PCDHGB1: variants seen among roughly 807,000 people sequenced by gnomAD.
PCDHGB1 encodes protocadherin gamma-B1.
A neutral mutation model predicts 56.6 loss-of-function variants in PCDHGB1; 34 were observed. That is an observed-to-expected ratio of 0.60 (90% CI 0.46 to 0.80). PCDHGB1 has a LOEUF of 0.80. Among genes scored for constraint, PCDHGB1 ranks in the 30% least tolerant of loss-of-function variants. The pLI is 0.00. For synonymous variants in PCDHGB1, 561 were observed against 505.9 expected (o/e 1.11, Z -1.46); for missense variants, 1,278 against 1,204.6 (o/e 1.06, Z -0.90).
chr5:141,458,556 T>C (rs1424881453), intron 1 of PCDHGB1, among the ~76,000 whole-genome samples: 1 of 145,670 alleles, frequency 6.9e-6, no homozygotes, highest in Non-Finnish European at 1.5e-5. Flanking sequence ...TTGTTTGTTT[T>C]GGTTTTGGGT....
At chr5:141,410,675 T>A in intron 1 of PCDHGB1, 1 of 1,551,642 alleles carries the variant, frequency 6.4e-7, no homozygotes, top group Non-Finnish European at 8.6e-7. Context: ...GTTTCTCATA[T>A]TTTAGGCATA....
At position 141,463,977 on chromosome 5, in the gene PCDHGB1, T is replaced by C. The variant is rs948698340; in HGVS notation, c.2410-30830T>C. On this transcript the variant is annotated intron_variant, in intron 1 of 3. Coordinates refer to ENST00000523390, the MANE Select transcript of PCDHGB1 (RefSeq NM_018922.3). ...TTTAAAATAGCTTCATAAAACTCCA[T>C]TGTAAAAACCAGGTGCAGTGGCTCA... Among the ~76,000 whole-genome samples the C allele has an allele frequency of 2.6e-5, 4 of 152,258 alleles. 1 individual carries two copies. The highest frequency in any genetic ancestry group is 4.4e-5 in the Non-Finnish European group (3 of 68,004).
intron 1 of PCDHGB1, chr5:141,428,460 T>G (rs558111052): frequency 2.8e-6 from 1 of 351,434 alleles, no homozygotes; most frequent in African/African-American, 2.1e-5. Context: ...CCAACTACAA[T>G]GAGGGAACTT....
chr5:141,405,059 G>A (rs374581472), intron 1 of PCDHGB1: 22 of 1,613,900 alleles, frequency 1.4e-5, no homozygotes, highest in Non-Finnish European at 1.9e-5. Flanking sequence ...CGTCTCCTGT[G>A]TCTTCCTCAC....
chr5:141,389,269 A>G, intron 1 of PCDHGB1: 2 of 1,613,976 alleles, frequency 1.2e-6, no homozygotes, highest in Non-Finnish European at 1.7e-6. Flanking sequence ...GTGGCCGAGA[A>G]CAACCCGCCT....
intron 1 of PCDHGB1, among the ~76,000 whole-genome samples, chr5:141,488,289 TAAGTGAA>T (rs1389982829): frequency 6.6e-6 from 1 of 152,186 alleles, no homozygotes; most frequent in Non-Finnish European, 1.5e-5. Context: ...GAAAAAACAG[TAAGTGAA>T]ATCACTTATG....
chr5:141,421,338 A>G (rs560707757), intron 1 of PCDHGB1: 2 of 1,613,966 alleles, frequency 1.2e-6, no homozygotes, highest in Non-Finnish European at 1.7e-6. Context: ...ATTCGGTGCC[A>G]GAAGAGACCG....
chr5:141,450,015 T>A (rs911475310), intron 1 of PCDHGB1, among the ~76,000 whole-genome samples: 12 of 149,806 alleles, frequency 8.0e-5, no homozygotes, highest in Non-Finnish European at 1.6e-4. Flanking sequence ...TCTTTTTTTT[T>A]TTTTTTTTTG....
chr5:141,383,695 G>C (rs373055594), intron 1 of PCDHGB1: 3 of 1,613,974 alleles, frequency 1.9e-6, no homozygotes, highest in Non-Finnish European at 2.5e-6. Context: ...CACGGTACAT[G>C]CTATCGACCT....
intron 1 of PCDHGB1, chr5:141,412,149 C>G (rs1369304212): frequency 2.0e-5 from 3 of 152,146 alleles, no homozygotes; most frequent in African/African-American, 7.2e-5. Flanking sequence ...TACAAACTGC[C>G]TAAGAGAAGA....
At chr5:141,355,268 T>C (rs1220668152) in intron 1 of PCDHGB1, 1 of 1,613,650 alleles carries the variant, frequency 6.2e-7, no homozygotes, top group Admixed American at 1.7e-5. Flanking sequence ...CTGGGGGTTC[T>C]GGTGGAAATC....
Position 141,487,831 on chromosome 5 carries a change from A to G in PCDHGB1, c.2410-6976A>G, listed in dbSNP as rs1001896359. ...TTAGCATTGGGGGCGGGTCATGCCTATATCTGAGTAAGAAATGAAAGTAAT... is the reference window on the plus strand; with the variant it reads ...TTAGCATTGGGGGCGGGTCATGCCTGTATCTGAGTAAGAAATGAAAGTAAT... On this transcript the variant is annotated intron_variant, in intron 1 of 3. Transcript: ENST00000523390. This position sits in a 1 kb window ranked among gnomAD's most constrained non-coding sequence, Gnocchi z 5.0. The G allele has an allele frequency of 1.1e-5, 13 of 1,144,204 alleles. No homozygotes were observed. Among genetic ancestry groups the G allele is most frequent in the Non-Finnish European group, 1.6e-5 (13 of 818,302 alleles). 70.9% of individuals were successfully genotyped at this position (1,144,204 alleles called of 1,614,324 possible). A position where few individuals can be genotyped will look rare whatever the true frequency, so the allele number is the denominator to read the frequency against.
At chr5:141,375,738 T>C (rs1771822925) in intron 1 of PCDHGB1, 2 of 1,614,130 alleles carry the variant, frequency 1.2e-6, no homozygotes, top group African/African-American at 2.7e-5. Context: ...AGCCTGTTTG[T>C]GCTGGACCAG....
rs371232283 is a variant in PCDHGB1, at chr5:141,390,337, C to T, written c.2409+37668C>T. ...CATTGCCTACCCATTTCTCCATATT[C>T]ACAAGAAAATATACATATTTGCAGG... On this transcript the variant is annotated intron_variant, in intron 1 of 3. Coordinates refer to ENST00000523390, the MANE Select transcript of PCDHGB1 (RefSeq NM_018922.3). 9.4e-6 allele frequency: 15 copies of T among 1,595,800 alleles called. No homozygotes were observed. In the African/African-American group the frequency reaches 1.5e-4, roughly 16 times the overall value.
chr5:141,384,827 T>A lies in PCDHGB1; in HGVS notation c.2409+32158T>A, dbSNP rs182404532. ...AGAGATGCCCTCAAGCAGAGCCTCG[T>A]GGTGGCCGTCCAGGACCACGGTCAG... On this transcript the variant is annotated intron_variant, in intron 1 of 3. Transcript: ENST00000523390. The A allele has an allele frequency of 2.2e-4, 348 of 1,613,356 alleles. No individual in the cohort carries two copies. The highest frequency in any genetic ancestry group is 2.5e-4 in the Non-Finnish European group (296 of 1,179,908).
chr5:141,385,081 T>G, intron 1 of PCDHGB1: 1 of 1,614,164 alleles, frequency 6.2e-7, no homozygotes, highest in Non-Finnish European at 8.5e-7. Flanking sequence ...GCTGCAGGCT[T>G]CAGAAGGTGG....
chr5:141,423,117 G>T, intron 1 of PCDHGB1: 1 of 1,613,816 alleles, frequency 6.2e-7, no homozygotes, highest in Non-Finnish European at 8.5e-7. Flanking sequence ...TGCGTACAGC[G>T]CGGGCACTGC....
chr5:141,414,421 A>AGGGAACAG (rs1486483287), intron 1 of PCDHGB1: 1 of 1,613,776 alleles, frequency 6.2e-7, no homozygotes, highest in Non-Finnish European at 8.5e-7. Context: ...AGCCCTTGAC[A>AGGGAACAG]GGGAACAGGT....
At chr5:141,374,527 A>T (rs1429830664) in intron 1 of PCDHGB1, 7 of 1,613,074 alleles carry the variant, frequency 4.3e-6, no homozygotes, top group Non-Finnish European at 5.9e-6. Flanking sequence ...ACGCAGCTCC[A>T]TCCTCTCGTT....
Sources: gnomAD v4.1 joint callset for allele counts (sites outside exome capture counted in the v4.1 genomes callset) on GRCh38, gnomAD v4.1.1 for gene constraint, Gnocchi (gnomAD v3.1) non-coding constraint, MANE v1.5 for transcripts, NCBI Gene and HGNC (gene_info 2026-07-23, HGNC 2026-07-21) for gene names.